The following CNR2 variants were observed in gnomAD, a reference collection of about 807,000 sequenced individuals.
CNR2 encodes cannabinoid receptor 2 (macrophage).
For missense variants in CNR2, 379 were observed against 439.9 expected (o/e 0.86, Z 1.24); for synonymous variants, 172 against 182.2 (o/e 0.94, Z 0.45).
rs1639762699 is a variant in CNR2, at chr1:23,871,340, A to T, written c.*3195T>A. ...ATTTTCTTTGCCAAAATGAGAAAGG[A>T]TTCCACCGATGAATAAAGAAAGGCA... On this transcript the variant is annotated 3_prime_UTR_variant, in exon 2 of 2. Transcript: ENST00000374472. 6.6e-6 allele frequency: 1 copy of T among 152,192 alleles called. No homozygotes were observed. The highest frequency in any genetic ancestry group is 2.1e-4 in the South Asian group (1 of 4,830). 9.4% of individuals were successfully genotyped at this position (152,192 alleles called of 1,614,324 possible). A position where few individuals can be genotyped will look rare whatever the true frequency, so the allele number is the denominator to read the frequency against.
intron 1 of CNR2, among the ~76,000 whole-genome samples, chr1:23,897,017 C>T (rs1440765561): frequency 6.6e-6 from 1 of 152,020 alleles, no homozygotes; most frequent in East Asian, 1.9e-4. Flanking sequence ...TCCCAAATAG[C>T]TGGGATGACA....
At chr1:23,879,991 T>C (rs61778164) in intron 1 of CNR2, among the ~76,000 whole-genome samples, 19 of 152,310 alleles carry the variant, frequency 1.2e-4, no homozygotes, top group Non-Finnish European at 1.9e-4. Context: ...TTTAGCCACA[T>C]TGGCTTCTTA....
rs1639781949 is a variant in CNR2 at position 23,872,594 on chromosome 1, C to T, written c.*1941G>A. On this transcript the variant is annotated 3_prime_UTR_variant, in exon 2 of 2. Coordinates refer to ENST00000374472, the MANE Select transcript of CNR2 (RefSeq NM_001841.3). ...AAGTCAAACAGAACTAGGTTGGAGACCTCAGCTCTGGTACTTAGCAGGGTG... is the reference window on the plus strand; with the variant it reads ...AAGTCAAACAGAACTAGGTTGGAGATCTCAGCTCTGGTACTTAGCAGGGTG... 1 of 152,114 alleles carries T rather than the reference C, an allele frequency of 6.6e-6. No individual in the cohort carries two copies. Among genetic ancestry groups the T allele is most frequent in the Admixed American group, 6.6e-5 (1 of 15,254 alleles). 9.4% of individuals were successfully genotyped at this position (152,114 alleles called of 1,614,324 possible).
intron 1 of CNR2, among the ~76,000 whole-genome samples, chr1:23,877,554 G>A (rs1010927471): frequency 6.6e-6 from 1 of 152,038 alleles, no homozygotes; most frequent in African/African-American, 2.4e-5. Flanking sequence ...AGAATGGCGT[G>A]AACCCGGGAG....
At position 23,874,481 on chromosome 1, in the gene CNR2, C is replaced by G; in HGVS notation, c.*54G>C. On this transcript the variant is annotated 3_prime_UTR_variant, in exon 2 of 2. Transcript: ENST00000374472. ...GAGTGCCAAGACCCCTCTCTCTCTTCCAGGGAGTGAACTGATTTCTGACTT... is the reference window on the plus strand; with the variant it reads ...GAGTGCCAAGACCCCTCTCTCTCTTGCAGGGAGTGAACTGATTTCTGACTT... 1 of 1,558,544 alleles carries G rather than the reference C, an allele frequency of 6.4e-7. No homozygotes were observed. Among genetic ancestry groups the G allele is most frequent in the Non-Finnish European group, 8.7e-7 (1 of 1,151,314 alleles).
chr1:23,888,255 G>C (rs753513968), intron 1 of CNR2, among the ~76,000 whole-genome samples: 12 of 152,176 alleles, frequency 7.9e-5, no homozygotes, highest in Non-Finnish European at 1.5e-4. Flanking sequence ...CTTAGTGTTT[G>C]CCACAGTGAA....
intron 1 of CNR2, among the ~76,000 whole-genome samples, chr1:23,892,959 C>T (rs1238420660): frequency 1.3e-5 from 2 of 151,886 alleles, no homozygotes; most frequent in South Asian, 2.1e-4. Flanking sequence ...GAGGTTGCAG[C>T]GAGCAGAGAT....
At chr1:23,890,171 A>C (rs541042931) in intron 1 of CNR2, among the ~76,000 whole-genome samples, 11 of 150,156 alleles carry the variant, frequency 7.3e-5, no homozygotes, top group African/African-American at 2.7e-4. Context: ...AGGCAGGAGA[A>C]TCACTTGAGC....
chr1:23,898,856 T>C (rs1483460975), intron 1 of CNR2, among the ~76,000 whole-genome samples: 1 of 151,574 alleles, frequency 6.6e-6, no homozygotes, highest in East Asian at 1.9e-4. Flanking sequence ...TTTCACCATG[T>C]TGGCCAGGCT....
chr1:23,889,905 A>G (rs1049104695), intron 1 of CNR2, among the ~76,000 whole-genome samples: 14 of 152,256 alleles, frequency 9.2e-5, no homozygotes, highest in African/African-American at 3.4e-4. Flanking sequence ...AATTCATGTC[A>G]CTGTACCTGG....
intron 1 of CNR2, among the ~76,000 whole-genome samples, chr1:23,906,177 C>T (rs1640483016): frequency 6.6e-6 from 1 of 152,082 alleles, no homozygotes; most frequent in Non-Finnish European, 1.5e-5. Context: ...GCTGTCTTCC[C>T]CCCTCAGACT....
chr1:23,888,834 G>A (rs1201348376), intron 1 of CNR2, among the ~76,000 whole-genome samples: 2 of 151,998 alleles, frequency 1.3e-5, no homozygotes, highest in Admixed American at 6.6e-5. Flanking sequence ...CCAGGAGTGG[G>A]GGCAGGTGCC....
intron 1 of CNR2, among the ~76,000 whole-genome samples, chr1:23,895,791 C>G (rs539632863): frequency 5.3e-5 from 8 of 152,246 alleles, no homozygotes; most frequent in African/African-American, 1.9e-4. Flanking sequence ...CGTGAGCCAC[C>G]GTGCCCGGCC....
At chr1:23,908,268 C>A (rs149543991) in intron 1 of CNR2, among the ~76,000 whole-genome samples, 56 of 152,168 alleles carry the variant, frequency 3.7e-4, no homozygotes, top group Non-Finnish European at 7.2e-4. Context: ...CATGAGCCAC[C>A]GTGCCTGGCC....
At chr1:23,883,149 ATAG>A (rs1257384225) in intron 1 of CNR2, among the ~76,000 whole-genome samples, 26 of 152,342 alleles carry the variant, frequency 1.7e-4, no homozygotes, top group African/African-American at 6.3e-4. Flanking sequence ...CGTAACCTCA[ATAG>A]TAGACAGAGA....
rs772344819 is a variant in CNR2, at chr1:23,875,010, G to C, written c.608C>G (p.Ser203Cys). 1 of 1,609,382 alleles carries C rather than the reference G, an allele frequency of 6.2e-7. No individual in the cohort carries two copies. Among genetic ancestry groups the C allele is most frequent in the South Asian group, 1.1e-5 (1 of 90,318 alleles). Residue 203 changes from serine (S) to cysteine (C), a missense_variant, in exon 2 of 2, where the codon TCC becomes TGC. Transcript: ENST00000374472. ...ATGCCCATAGGTGTAGATGATTCCG[G>C]AAAAGAGGAAGGCGATGAACAGGAG... ...SWLLFIAFLF[S>C]GIIYTYGHVL...
At chr1:23,909,387 CA>C (rs1395766565) in intron 1 of CNR2, among the ~76,000 whole-genome samples, 1 of 152,162 alleles carries the variant, frequency 6.6e-6, no homozygotes, top group African/African-American at 2.4e-5. Flanking sequence ...GTCCCTGCAG[CA>C]TAGCTGGGGA....
intron 1 of CNR2, among the ~76,000 whole-genome samples, chr1:23,903,842 G>C (rs1304004181): frequency 6.6e-6 from 1 of 152,156 alleles, no homozygotes; most frequent in Non-Finnish European, 1.5e-5. Context: ...ACAAGGAGAC[G>C]GAGGCGCAAA....
intron 1 of CNR2, among the ~76,000 whole-genome samples, chr1:23,882,954 A>C (rs1484821596): frequency 6.6e-6 from 1 of 152,236 alleles, no homozygotes; most frequent in Non-Finnish European, 1.5e-5. Context: ...TAATAAGAGC[A>C]GAAATTAATG....
Sources: gnomAD v4.1 joint callset for allele counts (sites outside exome capture counted in the v4.1 genomes callset) on GRCh38, gnomAD v4.1.1 for gene constraint, MANE v1.5 for transcripts, NCBI Gene and HGNC (gene_info 2026-07-23, HGNC 2026-07-21) for gene names.